Variants in MLXIP observed in about 807,000 individuals in gnomAD.
The protein encoded by MLXIP is MLX-interacting protein.
Under a neutral mutation model 87.2 loss-of-function variants are expected in MLXIP, and 30 were observed. The ratio of observed to expected loss-of-function variants is 0.34; its 90% CI spans 0.26 to 0.47. The LOEUF (loss-of-function observed/expected upper bound fraction) is 0.47. Ranked by LOEUF, MLXIP falls within the 20% of genes least tolerant of loss-of-function variation. The pLI, the probability that MLXIP is intolerant of heterozygous loss-of-function variation, is 1.00. For synonymous variants in MLXIP, 530 were observed against 514.0 expected (o/e 1.03, Z -0.42); for missense variants, 1,002 against 1,240.1 (o/e 0.81, Z 2.88).
At chr12:122,081,065 C>T (rs976777298) in intron 1 of MLXIP, among the ~76,000 whole-genome samples, 1 of 152,042 alleles carries the variant, frequency 6.6e-6, no homozygotes, top group Non-Finnish European at 1.5e-5. Flanking sequence ...TAAACAACAC[C>T]AAATAATTTT....
intron 1 of MLXIP, among the ~76,000 whole-genome samples, chr12:122,084,951 A>C (rs1952144309): frequency 6.6e-6 from 1 of 152,180 alleles, no homozygotes. Context: ...TAAAAAACCA[A>C]AGCTCAGACG....
intron 1 of MLXIP, among the ~76,000 whole-genome samples, chr12:122,103,328 G>A (rs918103854): frequency 2.6e-4 from 39 of 151,378 alleles, no homozygotes; most frequent in Admixed American, 1.6e-3. Context: ...GGTTTCAAGC[G>A]ATTCTCTTGC....
At chr12:122,141,265 C>A in intron 16 of MLXIP, 182 bp downstream of exon 16, 1 of 405,420 alleles carries the variant, frequency 2.5e-6, no homozygotes, top group Non-Finnish European at 3.3e-6. Flanking sequence ...AGGCTCCTGC[C>A]CTTTTGTGTC....
intron 7 of MLXIP, 142 bp downstream of exon 7, chr12:122,131,075 GT>G (rs1048618818): frequency 4.3e-5 from 26 of 607,818 alleles, no homozygotes; most frequent in African/African-American, 2.6e-4. Context: ...AAACTGAACT[GT>G]TTTTTGTAGT....
At chr12:122,080,432 C>T (rs932941820) in intron 1 of MLXIP, among the ~76,000 whole-genome samples, 4 of 152,210 alleles carry the variant, frequency 2.6e-5, no homozygotes, top group Admixed American at 6.5e-5. Context: ...GAGCCCCAAG[C>T]ATATCCAGGT....
intron 1 of MLXIP, among the ~76,000 whole-genome samples, chr12:122,082,746 A>T (rs1357472636): frequency 6.6e-6 from 1 of 152,222 alleles, no homozygotes; most frequent in Non-Finnish European, 1.5e-5. Context: ...CAATGGAGCT[A>T]TGTACTGTAG....
intron 15 of MLXIP, among the ~76,000 whole-genome samples, chr12:122,140,341 G>A (rs542849125): frequency 6.6e-6 from 1 of 152,218 alleles, no homozygotes; most frequent in Admixed American, 6.5e-5. Context: ...CTGTCACCCA[G>A]GCTGGAGTGC....
At chr12:122,118,080 T>C (rs1237286117) in intron 1 of MLXIP, among the ~76,000 whole-genome samples, 1 of 152,130 alleles carries the variant, frequency 6.6e-6, no homozygotes, top group Non-Finnish European at 1.5e-5. Flanking sequence ...TACCTGAACA[T>C]AAGCACTGTG....
chr12:122,124,271 C>T (rs1400269570), intron 1 of MLXIP, among the ~76,000 whole-genome samples: 2 of 67,462 alleles, frequency 3.0e-5, no homozygotes, highest in Admixed American at 1.5e-4. Context: ...CGCCCTCAGC[C>T]GTCCCCCACC....
chr12:122,095,147 TGCGGTGTGGTGGTGTGTGTGGTGA>T, intron 1 of MLXIP, among the ~76,000 whole-genome samples: 1 of 104,208 alleles, frequency 9.6e-6, no homozygotes, highest in Non-Finnish European at 2.3e-5. Flanking sequence ...GGTGTCTGTG[TGCGGTGTGGTGGTGTGTGTGGTGA>T]GTGCGGTGTG....
At chr12:122,094,496 GTC>G (rs1264298861) in intron 1 of MLXIP, among the ~76,000 whole-genome samples, 1 of 92,106 alleles carries the variant, frequency 1.1e-5, no homozygotes, top group Non-Finnish European at 2.3e-5. Flanking sequence ...TGTTTGCAAT[GTC>G]TGTGTGTGTG....
rs145951800 is a variant in MLXIP, at chr12:122,085,846, A to G, written c.413+6580A>G. ...GATTAATGGCCCCCCGAAGATGTGCACATCCTCATCCACAGAACCTGTGAC... is the reference window on the plus strand; with the variant it reads ...GATTAATGGCCCCCCGAAGATGTGCGCATCCTCATCCACAGAACCTGTGAC... On this transcript the variant is annotated intron_variant, in intron 1 of 16. Transcript: ENST00000319080. Among the ~76,000 whole-genome samples, 22 of 152,268 alleles carry G rather than the reference A, an allele frequency of 1.4e-4. No individual in the cohort carries two copies. In the East Asian group the frequency reaches 3.9e-3, roughly 27 times the overall value.
chr12:122,138,514 C>T lies in MLXIP; in HGVS notation c.2347C>T (p.Leu783=), dbSNP rs1377908597. 3 of 1,613,726 alleles carry T rather than the reference C, an allele frequency of 1.9e-6. No homozygotes were observed. In the East Asian group the frequency reaches 6.7e-5, roughly 36 times the overall value. The change falls in exon 14 of 17, where the codon CTG becomes TTG. Residue 783 remains leucine, a synonymous_variant. Transcript: ENST00000319080. ...CCAGATGCAGGAGGAGGCCCGGCGG[C>T]TGCGGGAGGAGATCGAGGAGCTCAA... ...RGQMQEEARR[L]REEIEELNAT...
In MLXIP at chr12:122,113,744, G is replaced by T. The variant is rs1291309641; in HGVS notation, c.414-13512G>T. ...CTGTCGCCCAGGCTGGAGTACAGTG[G>T]TACGATCTCAGCTCAGTGCAAGCTC... On this transcript the variant is annotated intron_variant, in intron 1 of 16. Transcript: ENST00000319080. 2.3e-5 allele frequency among the ~76,000 whole-genome samples: 3 copies of T among 128,504 alleles called. No individual in the cohort carries two copies. In the Admixed American group the frequency reaches 2.7e-4, roughly 12 times the overall value. The allele number at this position is 128,504 out of a possible 152,430, so 84.3% of individuals were successfully genotyped here. A position where few individuals can be genotyped will look rare whatever the true frequency, so the allele number is the denominator to read the frequency against.
rs1277304404 is a variant in MLXIP, at chr12:122,130,003, G to A, written c.801G>A (p.Glu267=). ...GATGGAAGACCCCCGTCCCCATGGA[G>A]GAGGATCCCCTGCTGGACACAGACA... The part of the protein sequence containing the change: ...GDGWKTPVPM[E]EDPLLDTDML... The change falls in exon 6 of 17, where the codon GAG becomes GAA. Residue 267 remains glutamate, a synonymous_variant. Coordinates refer to ENST00000319080, the MANE Select transcript of MLXIP (RefSeq NM_014938.6). 2.5e-6 allele frequency: 4 copies of A among 1,613,908 alleles called. No individual in the cohort carries two copies. In the Admixed American group the frequency reaches 5.0e-5, roughly 20 times the overall value.
In MLXIP at chr12:122,137,421, C is replaced by T. The variant is rs377629466; in HGVS notation, c.2033-48C>T. 3.4e-5 allele frequency: 54 copies of T among 1,581,396 alleles called. No individual in the cohort carries two copies. Among genetic ancestry groups the T allele is most frequent in the African/African-American group, 8.1e-5 (6 of 73,738 alleles). The stretch of plus-strand genomic sequence containing the variant: ...GAGACCCCAGGCTGCCTCCTGGTGG[C>T]GTTGAGGGGCCAGGCCTCCGCCCCT... On this transcript the variant is annotated intron_variant, in intron 11 of 16. Transcript: ENST00000319080. This position sits in a 1 kb window ranked among gnomAD's most constrained non-coding sequence, Gnocchi z 4.1.
chr12:122,127,069 C>T (rs1016304160), intron 1 of MLXIP, among the ~76,000 whole-genome samples, 187 bp from the exon 2 acceptor site: 1 of 152,122 alleles, frequency 6.6e-6, no homozygotes, highest in Non-Finnish European at 1.5e-5. Context: ...CTGACAGTAT[C>T]CCCACCATGC....
At chr12:122,101,583 T>C (rs1194405061) in intron 1 of MLXIP, among the ~76,000 whole-genome samples, 6 of 56,526 alleles carry the variant, frequency 1.1e-4, no homozygotes, top group African/African-American at 2.3e-4. Flanking sequence ...TCTTTTTTTT[T>C]CTTTTTTTTT....
At chr12:122,083,020 A>G (rs543354999) in intron 1 of MLXIP, among the ~76,000 whole-genome samples, 34 of 152,226 alleles carry the variant, frequency 2.2e-4, no homozygotes, top group African/African-American at 6.7e-4. Context: ...GGGTGTTGCT[A>G]TGCTTCTCAG....
Sources: allele counts gnomAD v4.1 joint callset (sites outside exome capture counted in the v4.1 genomes callset), GRCh38; gene constraint gnomAD v4.1.1; non-coding constraint Gnocchi (gnomAD v3.1); transcripts MANE v1.5; gene names NCBI Gene and HGNC (gene_info 2026-07-23, HGNC 2026-07-21).